The following SHANK2 variants were observed in gnomAD, a reference collection of about 807,000 sequenced individuals.
SHANK2 encodes the protein SH3 and multiple ankyrin repeat domains 2.
SHANK2 carries 43 observed loss-of-function variants against 133.7 expected under a neutral mutation model. The ratio of observed to expected loss-of-function variants is 0.32; its 90% CI spans 0.25 to 0.41. The LOEUF is 0.41. Among genes scored for constraint, SHANK2 ranks in the 10% least tolerant of loss-of-function variants. The pLI, the probability that SHANK2 is intolerant of heterozygous loss-of-function variation, is 1.00. For missense variants in SHANK2, 1,994 were observed against 2,235.8 expected (o/e 0.89, Z 2.18); for synonymous variants, 1,017 against 952.8 (o/e 1.07, Z -1.24).
intron 14 of SHANK2, among the ~76,000 whole-genome samples, chr11:70,725,118 G>A (rs536030596): frequency 1.2e-4 from 18 of 152,288 alleles, no homozygotes; most frequent in African/African-American, 3.9e-4. Flanking sequence ...AAACACTTAA[G>A]CTAAGGCCAT....
rs113156725 is a variant in SHANK2 at position 70,827,690 on chromosome 11, AACACACAC to A, written c.1175-7016_1175-7009del. On this transcript the variant is annotated intron_variant, in intron 11 of 25. Coordinates refer to ENST00000601538, the MANE Select transcript of SHANK2 (RefSeq NM_012309.5). ...TAAGAGAACTGCTTCAGAAATTTAAAACACACACACACACACACACACACACACACACA... is the reference window on the plus strand; with the variant it reads ...TAAGAGAACTGCTTCAGAAATTTAAAACACACACACACACACACACACACA... 6.1e-3 allele frequency among the ~76,000 whole-genome samples: 798 copies of A among 130,480 alleles called. 10 individuals carry two copies. Among genetic ancestry groups the A allele is most frequent in the Middle Eastern group, 0.032 (8 of 252 alleles). The allele number at this position is 130,480 out of a possible 152,430, so 85.6% of individuals were successfully genotyped here.
intron 11 of SHANK2, among the ~76,000 whole-genome samples, chr11:70,873,541 G>C (rs182264473): frequency 2.1e-3 from 326 of 152,280 alleles, no homozygotes; most frequent in African/African-American, 7.7e-3. Context: ...AGGAGGAGCG[G>C]CTGCCACACA....
Position 70,597,611 on chromosome 11 carries a change from G to A in SHANK2, c.2061+62217C>T, listed in dbSNP as rs1246864840. ...TGATGGGCCGGGTGCAGTGGCTCAC[G>A]CCTGTAATCCCAGCACTTTGGGAGG... On this transcript the variant is annotated intron_variant, in intron 17 of 25. Transcript: ENST00000601538. 3.9e-5 allele frequency among the ~76,000 whole-genome samples: 6 copies of A among 152,260 alleles called. No individual in the cohort carries two copies. The East Asian group carries it at 7.7e-4, about 20-fold the overall frequency.
intron 17 of SHANK2, among the ~76,000 whole-genome samples, chr11:70,530,889 G>A (rs2059459298): frequency 6.6e-6 from 1 of 152,126 alleles, no homozygotes; most frequent in African/African-American, 2.4e-5. Flanking sequence ...ATTTTGTCCG[G>A]GCTTGGTGGC....
intron 11 of SHANK2, among the ~76,000 whole-genome samples, chr11:70,862,488 C>G (rs977027623): frequency 6.6e-6 from 1 of 152,140 alleles, no homozygotes; most frequent in Non-Finnish European, 1.5e-5. Context: ...ACTGGACTGG[C>G]TGATGGACAG....
intron 12 of SHANK2, among the ~76,000 whole-genome samples, chr11:70,814,376 C>A (rs1416627112): frequency 1.3e-5 from 2 of 151,860 alleles, no homozygotes; most frequent in Admixed American, 6.5e-5. Context: ...CAATTCCACA[C>A]CTCACCCCTA....
At chr11:71,146,589 C>T (rs567619004) in intron 3 of SHANK2, among the ~76,000 whole-genome samples, 9 of 152,316 alleles carry the variant, frequency 5.9e-5, no homozygotes, top group East Asian at 1.9e-4. Context: ...ACATTAGGCC[C>T]AGGGCTGGAG....
intron 2 of SHANK2, among the ~76,000 whole-genome samples, chr11:71,223,651 T>C (rs533307890): frequency 6.6e-6 from 1 of 152,248 alleles, no homozygotes; most frequent in Non-Finnish European, 1.5e-5. Flanking sequence ...ACCAATCCCC[T>C]TTGGATGCCG....
chr11:70,759,434 A>G (rs1025477323), intron 14 of SHANK2, among the ~76,000 whole-genome samples: 1 of 152,096 alleles, frequency 6.6e-6, no homozygotes, highest in Non-Finnish European at 1.5e-5. Flanking sequence ...GTGAGCCCAG[A>G]TCGCACCACT....
chr11:70,918,755 C>T (rs1950306239), intron 10 of SHANK2, among the ~76,000 whole-genome samples: 1 of 152,218 alleles, frequency 6.6e-6, no homozygotes, highest in Admixed American at 6.5e-5. Flanking sequence ...ATCTGCCTGC[C>T]TCAGCCTCCC....
chr11:70,860,952 T>C (rs1270140769), intron 11 of SHANK2, among the ~76,000 whole-genome samples: 1 of 152,202 alleles, frequency 6.6e-6, no homozygotes, highest in Non-Finnish European at 1.5e-5. Flanking sequence ...AGGAGCCGCG[T>C]GCATCTCAGG....
In SHANK2 at chr11:71,159,851, T is replaced by A. The variant is rs570496491; in HGVS notation, c.-12-12513A>T. Among the ~76,000 whole-genome samples, 3 of 151,668 alleles carry A rather than the reference T, an allele frequency of 2.0e-5. No individual in the cohort carries two copies. The South Asian group carries it at 6.3e-4, about 32-fold the overall frequency. On this transcript the variant is annotated intron_variant, in intron 2 of 25. Transcript: ENST00000601538. ...ATACAAAAAAATTAGCTGGGCATGG[T>A]GGTGGCACACCTGTAGTCCTGGCTA... is the stretch of plus-strand genomic sequence containing the variant.
intron 15 of SHANK2, among the ~76,000 whole-genome samples, chr11:70,674,997 A>G (rs1251065115): frequency 6.6e-6 from 1 of 152,246 alleles, no homozygotes; most frequent in African/African-American, 2.4e-5. Flanking sequence ...CTTGCTGCAG[A>G]AGCCATGCTG....
intron 11 of SHANK2, among the ~76,000 whole-genome samples, chr11:70,888,795 C>A (rs781879117): frequency 6.7e-6 from 1 of 150,306 alleles, no homozygotes; most frequent in Middle Eastern, 3.4e-3. Flanking sequence ...CCAGCCTGGG[C>A]GACAGAGGGA....
At chr11:70,504,194 C>T (rs1387042069) in intron 17 of SHANK2, among the ~76,000 whole-genome samples, 2 of 152,256 alleles carry the variant, frequency 1.3e-5, no homozygotes, top group Non-Finnish European at 2.9e-5. Flanking sequence ...TATCCTCCTG[C>T]TATAGATTCT....
intron 17 of SHANK2, among the ~76,000 whole-genome samples, chr11:70,553,864 A>C (rs902528474): frequency 6.6e-6 from 1 of 152,096 alleles, no homozygotes; most frequent in Admixed American, 6.6e-5. Flanking sequence ...ATCAGGAGTC[A>C]CTCCTCATCC....
At chr11:71,143,900 T>C (rs1300433766) in intron 3 of SHANK2, among the ~76,000 whole-genome samples, 2 of 151,908 alleles carry the variant, frequency 1.3e-5, no homozygotes, top group African/African-American at 4.8e-5. Context: ...GGCAACTTTT[T>C]AGAACACAAG....
chr11:71,099,730 C>T (rs943180952), intron 6 of SHANK2, among the ~76,000 whole-genome samples: 11 of 152,164 alleles, frequency 7.2e-5, no homozygotes, highest in Admixed American at 3.9e-4. Flanking sequence ...TGCTCCACAC[C>T]GTATGTCATT....
rs182200614 is a variant in SHANK2, at chr11:70,944,346, C to T, written c.1108-47779G>A. 3.2e-3 allele frequency among the ~76,000 whole-genome samples: 482 copies of T among 152,322 alleles called. 4 individuals are homozygous for T. The highest frequency in any genetic ancestry group is 0.011 in the African/African-American group (457 of 41,566). On this transcript the variant is annotated intron_variant, in intron 10 of 25. Transcript: ENST00000601538. Reference sequence around the variant, plus strand: ...TCCCAGGCCCGGCCCGGCCTCTGCCCGGTGCCAGGGCCCTCCCCGGAGTCC... The same window carrying T: ...TCCCAGGCCCGGCCCGGCCTCTGCCTGGTGCCAGGGCCCTCCCCGGAGTCC...
Sources: allele counts gnomAD v4.1 joint callset (sites outside exome capture counted in the v4.1 genomes callset), GRCh38; gene constraint gnomAD v4.1.1; transcripts MANE v1.5; gene names NCBI Gene and HGNC (gene_info 2026-07-23, HGNC 2026-07-21).